The following MED12L variants were observed in gnomAD, a reference collection of about 807,000 sequenced individuals.
The protein encoded by MED12L is mediator of RNA polymerase II transcription subunit 12-like protein.
Under a neutral mutation model 281.3 loss-of-function variants are expected in MED12L, and 60 were observed. The observed-to-expected ratio is 0.21, with a 90% confidence interval of 0.17 to 0.26. The LOEUF is 0.26. MED12L is among the 10% of genes least tolerant of loss of function. The pLI, the probability that MED12L is intolerant of heterozygous loss-of-function variation, is 1.00. For missense variants in MED12L, 2,146 were observed against 2,680.9 expected, an observed-to-expected ratio of 0.80 and a Z score of 4.41; for synonymous variants, 974 against 987.2, an observed-to-expected ratio of 0.99 and a Z score of 0.25.
intron 16 of MED12L, chr3:151,294,028 T>C (rs1577252858): frequency 4.5e-6 from 3 of 659,756 alleles, no homozygotes; most frequent in South Asian, 1.9e-5. Flanking sequence ...CTTTAATGTT[T>C]TCCTTACTTT....
intron 16 of MED12L, among the ~76,000 whole-genome samples, chr3:151,260,895 T>C (rs1738736079): frequency 6.6e-6 from 1 of 152,210 alleles, no homozygotes; most frequent in African/African-American, 2.4e-5. Context: ...AACATTTATC[T>C]TTATCTTGAC....
chr3:151,211,398 GT>G (rs568956935), intron 16 of MED12L, among the ~76,000 whole-genome samples: 8 of 134,832 alleles, frequency 5.9e-5, no homozygotes, highest in Non-Finnish European at 9.7e-5. Context: ...TTTGTTTTTT[GT>G]TTTTTTTTTG....
chr3:151,291,082 TG>T (rs1744190118), intron 16 of MED12L, among the ~76,000 whole-genome samples: 1 of 152,144 alleles, frequency 6.6e-6, no homozygotes, highest in African/African-American at 2.4e-5. Context: ...CTTCTTGTGG[TG>T]CTTAGTCTGG....
intron 16 of MED12L, among the ~76,000 whole-genome samples, chr3:151,242,495 C>T (rs917072374): frequency 2.0e-5 from 3 of 152,212 alleles, no homozygotes; most frequent in Non-Finnish European, 4.4e-5. Flanking sequence ...AGGCACCCCC[C>T]AGCAGGGGCA....
chr3:151,343,333 C>G (rs1752111212), intron 16 of MED12L, among the ~76,000 whole-genome samples: 2 of 152,178 alleles, frequency 1.3e-5, no homozygotes, highest in African/African-American at 4.8e-5. Flanking sequence ...ATTTATATTT[C>G]TAAACCTCTA....
At position 151,385,061 on chromosome 3, in the gene MED12L, T is replaced by C. The variant is rs1713101390; in HGVS notation, c.4958T>C (p.Ile1653Thr). 1 of 1,602,202 alleles carries C rather than the reference T, an allele frequency of 6.2e-7. No individual in the cohort carries two copies. Among genetic ancestry groups the C allele is most frequent in the Non-Finnish European group, 8.5e-7 (1 of 1,170,140 alleles). The change falls in exon 36 of 45, where the codon ATT becomes ACT. Residue 1653 changes from isoleucine (I) to threonine (T), a missense_variant. Transcript: ENST00000687756. Reference sequence around the variant, plus strand: ...CTAGGAGACAAGCGATCAGAAAGTATTGACAAAGTTCGACAGTTACTACCT... The same window carrying C: ...CTAGGAGACAAGCGATCAGAAAGTACTGACAAAGTTCGACAGTTACTACCT... ...KELGDKRSES[I>T]DKVRQLLPLP... is the part of the protein sequence containing the mutation.
chr3:151,229,376 C>T (rs750434386), intron 16 of MED12L, among the ~76,000 whole-genome samples: 9 of 146,668 alleles, frequency 6.1e-5, no homozygotes, highest in Non-Finnish European at 1.3e-4. Context: ...TTCGTGATCT[C>T]CGCTCACTGC....
Position 151,355,254 on chromosome 3 carries a change from C to T in MED12L, c.2517+15C>T. On this transcript the variant is annotated intron_variant, in intron 18 of 44. Transcript: ENST00000687756. ...TGACATCTCAGGTAGCTATTTAAAGCTGTTTATTATGCATTTGCAGTATTC... is the reference window on the plus strand; with the variant it reads ...TGACATCTCAGGTAGCTATTTAAAGTTGTTTATTATGCATTTGCAGTATTC... The T allele has an allele frequency of 1.3e-6, 2 of 1,559,118 alleles. No individual in the cohort carries two copies. Among genetic ancestry groups the T allele is most frequent in the Non-Finnish European group, 1.8e-6 (2 of 1,134,588 alleles).
chr3:151,328,799 A>G (rs769029900), intron 16 of MED12L: 2 of 1,613,960 alleles, frequency 1.2e-6, no homozygotes, highest in Non-Finnish European at 8.5e-7. Context: ...GTCGGCCACC[A>G]AAGTGTTTTT....
chr3:151,314,247 A>G (rs1316894258), intron 16 of MED12L, among the ~76,000 whole-genome samples: 1 of 152,186 alleles, frequency 6.6e-6, no homozygotes, highest in African/African-American at 2.4e-5. Context: ...TTTGGCCAAT[A>G]ATAATATTAA....
At chr3:151,246,779 TTAAAC>T (rs1559932796) in intron 16 of MED12L, among the ~76,000 whole-genome samples, 1 of 152,126 alleles carries the variant, frequency 6.6e-6, no homozygotes, top group Non-Finnish European at 1.5e-5. Flanking sequence ...TGGGATCTAA[TTAAAC>T]TAAAGAGCTT....
intron 5 of MED12L, among the ~76,000 whole-genome samples, chr3:151,153,866 G>A (rs1718913018): frequency 6.6e-6 from 1 of 152,110 alleles, no homozygotes; most frequent in South Asian, 2.1e-4. Flanking sequence ...ACCTCACCCG[G>A]CCTTCTGTTT....
At chr3:151,344,305 T>TTA (rs1553787471) in intron 16 of MED12L, among the ~76,000 whole-genome samples, 9 of 150,960 alleles carry the variant, frequency 6.0e-5, no homozygotes, top group South Asian at 2.1e-4. Flanking sequence ...TACTAATGAT[T>TTA]AAAAAAAAAC....
At chr3:151,150,219 A>C (rs1718272354) in intron 5 of MED12L, among the ~76,000 whole-genome samples, 1 of 152,232 alleles carries the variant, frequency 6.6e-6, no homozygotes, top group East Asian at 1.9e-4. Context: ...TGAAAGTCAA[A>C]ATTACTTGAT....
chr3:151,128,893 C>T (rs1714936658), intron 5 of MED12L, among the ~76,000 whole-genome samples: 1 of 152,206 alleles, frequency 6.6e-6, no homozygotes, highest in African/African-American at 2.4e-5. Context: ...CTCACCAAGT[C>T]CCCAGTGTCC....
intron 16 of MED12L, among the ~76,000 whole-genome samples, chr3:151,207,589 AAAGTAAGCATTGGAGAGCT>A (rs1352940208): frequency 1.3e-5 from 2 of 152,186 alleles, no homozygotes; most frequent in African/African-American, 4.8e-5. Context: ...GGATTTTAAT[AAAGTAAGCATTGGAGAGCT>A]CATGGTTATA....
intron 16 of MED12L, among the ~76,000 whole-genome samples, chr3:151,236,889 G>T (rs1462074839): frequency 1.3e-5 from 2 of 151,982 alleles, no homozygotes; most frequent in Non-Finnish European, 2.9e-5. Context: ...TGTATTTGGG[G>T]TATTTCCAGG....
chr3:151,424,624 A>C (rs975679217), intron 43 of MED12L, among the ~76,000 whole-genome samples: 34 of 148,060 alleles, frequency 2.3e-4, no homozygotes, highest in Non-Finnish European at 4.4e-4. Context: ...CTGTCTCAAA[A>C]AAAACAAAAC....
intron 16 of MED12L, among the ~76,000 whole-genome samples, chr3:151,256,148 G>C (rs1737773186): frequency 6.6e-6 from 1 of 152,132 alleles, no homozygotes; most frequent in Non-Finnish European, 1.5e-5. Flanking sequence ...GTAGGTCTTT[G>C]ACCCAGCCAC....
Sources: gnomAD v4.1 joint callset for allele counts (sites outside exome capture counted in the v4.1 genomes callset) on GRCh38, gnomAD v4.1.1 for gene constraint, MANE v1.5 for transcripts, NCBI Gene and HGNC (gene_info 2026-07-23, HGNC 2026-07-21) for gene names.